The following CCDC154 variants were observed in gnomAD, a reference collection of about 807,000 sequenced individuals.
CCDC154 encodes coiled-coil domain-containing protein 154.
CCDC154 carries 91 observed loss-of-function variants against 87.5 expected under a neutral mutation model. That is an observed-to-expected ratio of 1.04 (90% CI 0.88 to 1.24). The LOEUF (loss-of-function observed/expected upper bound fraction) is 1.24. Among genes scored for constraint, CCDC154 ranks in the 50% most tolerant of loss-of-function variants. The pLI is 0.00. For missense variants in CCDC154, 903 were observed against 879.2 expected (o/e 1.03, Z -0.34); for synonymous variants, 418 against 400.4 (o/e 1.04, Z -0.52).
chr16:1,439,221 T>G (rs2038529819), intron 6 of CCDC154, 95 bp from the exon 7 acceptor site: 7 of 1,131,670 alleles, frequency 6.2e-6, no homozygotes, highest in African/African-American at 1.5e-5. Context: ...TGGAGTCCCC[T>G]GCTGTCCCCA....
Position 1,443,612 on chromosome 16 carries a change from TC to T in CCDC154, c.307del (p.Glu103SerfsTer16), listed in dbSNP as rs1596206381. ...CACGCGGGCCCGCACCTGGAGCAGCTCCCGCAGCAGGCTCCGCGTGGCGCGC... is the reference window on the plus strand; with the variant it reads ...CACGCGGGCCCGCACCTGGAGCAGCTCCGCAGCAGGCTCCGCGTGGCGCGC... Reference protein sequence around the residue: ...CERATRSLLRELLQVRARVQL... With the variant: ...CERATRSLLRXLLQVRARVQL... On this transcript the variant is annotated frameshift_variant, in exon 3 of 17. Coordinates refer to ENST00000389176, the MANE Select transcript of CCDC154 (RefSeq NM_001143980.3). LOFTEE classifies it high-confidence loss of function. 1 of 1,426,290 alleles carries T rather than the reference TC, an allele frequency of 7.0e-7. No homozygotes were observed. Among genetic ancestry groups the T allele is most frequent in the Non-Finnish European group, 9.2e-7 (1 of 1,082,230 alleles). 88.4% of individuals were successfully genotyped at this position (1,426,290 alleles called of 1,614,324 possible). A position where few individuals can be genotyped will look rare whatever the true frequency, so the allele number is the denominator to read the frequency against.
intron 6 of CCDC154, among the ~76,000 whole-genome samples, chr16:1,440,733 G>A (rs925095450): frequency 6.6e-6 from 1 of 151,938 alleles, no homozygotes; most frequent in East Asian, 1.9e-4. Context: ...GGCAGATCAC[G>A]AGGTCAGGAG....
rs1020294579 is a variant in CCDC154 at position 1,438,703 on chromosome 16, T to A, written c.941A>T (p.Asp314Val). Residue 314 changes from aspartate (D) to valine (V), a missense_variant, in exon 9 of 17, where the codon GAT becomes GTT. By Grantham distance (152) the Asp-to-Val change is radical (BLOSUM62 -3). Transcript: ENST00000389176. ...CTTGGTCAGCTGGGCCACGGCAGCA[T>A]CCAGGCCCTGGCACTGCTCCAGGAG... ...SHLLEQCQGL[D>V]AAVAQLTKFV... is the part of the protein sequence containing the mutation. 196 of 1,549,868 alleles carry A rather than the reference T, an allele frequency of 1.3e-4. No homozygotes were observed. Among genetic ancestry groups the A allele is most frequent in the Non-Finnish European group, 1.6e-4 (188 of 1,146,754 alleles).
At position 1,436,489 on chromosome 16, in the gene CCDC154, A is replaced by C; in HGVS notation, c.1443T>G (p.His481Gln). Reference sequence around the variant, plus strand: ...AAATCCTGAGGTCTGAGTCGCTCTTATGAAGCAGGCACTTGTCGGAGACAC... The same window carrying C: ...AAATCCTGAGGTCTGAGTCGCTCTTCTGAAGCAGGCACTTGTCGGAGACAC... ...IESVSDKCLL[H>Q]KSDSDLRISA... The change falls in exon 13 of 17, where the codon CAT (histidine) becomes CAG (glutamine). Residue 481 changes from histidine to glutamine, a missense_variant. His to Gln is a conservative substitution (Grantham distance 24). Coordinates refer to ENST00000389176, the MANE Select transcript of CCDC154 (RefSeq NM_001143980.3). 4 of 1,549,126 alleles carry C rather than the reference A, an allele frequency of 2.6e-6. No homozygotes were observed. Among genetic ancestry groups the C allele is most frequent in the Non-Finnish European group, 3.5e-6 (4 of 1,146,932 alleles).
rs1395505606 is a variant in CCDC154 at position 1,438,711 on chromosome 16, C to T, written c.933G>A (p.Gln311=). The stretch of plus-strand genomic sequence containing the variant: ...GCTGGGCCACGGCAGCATCCAGGCC[C>T]TGGCACTGCTCCAGGAGGTGGCTCT... ...HEESHLLEQC[Q]GLDAAVAQLT... The change falls in exon 9 of 17, where the codon CAG becomes CAA. Residue 311 remains glutamine (Q), a synonymous_variant. Transcript: ENST00000389176. 23 of 1,550,014 alleles carry T rather than the reference C, an allele frequency of 1.5e-5. No homozygotes were observed. The highest frequency in any genetic ancestry group is 2.0e-5 in the Non-Finnish European group (23 of 1,146,762).
At chr16:1,436,655 G>A (rs2038504799) in intron 12 of CCDC154, 37 bp downstream of exon 12, 2 of 1,548,666 alleles carry the variant, frequency 1.3e-6, no homozygotes, top group African/African-American at 1.4e-5. Flanking sequence ...CACCTCCAAG[G>A]CCCAAGTACA....
At chr16:1,435,936 C>G in intron 14 of CCDC154, 33 bp downstream of exon 14, 3 of 1,526,146 alleles carry the variant, frequency 2.0e-6, no homozygotes, top group Non-Finnish European at 2.7e-6. Flanking sequence ...CTCCCCCTCT[C>G]TCCCAGCTGG....
rs765755549 is a variant in CCDC154, at chr16:1,439,036, CCAGGAAGCTCTTCTG to C, written c.751_765del (p.Gln251_Leu255del). 1 of 1,550,230 alleles carries C rather than the reference CCAGGAAGCTCTTCTG, an allele frequency of 6.5e-7. No homozygotes were observed. The highest frequency in any genetic ancestry group is 1.2e-5 in the South Asian group (1 of 84,062). ...GGGCAGGCTCCCACCTTCTCCAGGG[CCAGGAAGCTCTTCTG>C]CAGGAAGCCGCACAGCTTGGCCTCC... On this transcript the variant is annotated inframe_deletion, in exon 7 of 17. Coordinates refer to ENST00000389176, the MANE Select transcript of CCDC154 (RefSeq NM_001143980.3).
chr16:1,436,302 GC>G, intron 13 of CCDC154, 142 bp downstream of exon 13: 1 of 867,324 alleles, frequency 1.2e-6, no homozygotes, highest in Non-Finnish European at 1.8e-6. Context: ...GGCAGGGTGA[GC>G]CCGGTGCTGG....
chr16:1,435,401 G>C (rs901169727), intron 14 of CCDC154: 5 of 576,014 alleles, frequency 8.7e-6, no homozygotes, highest in Non-Finnish European at 1.5e-5. Context: ...GGGTTGTTCC[G>C]GCCCTCGTGG....
chr16:1,443,305 C>A lies in CCDC154; in HGVS notation c.415-4G>T, dbSNP rs370389573. On this transcript the variant is annotated splice_region_variant and splice_polypyrimidine_tract_variant and intron_variant, in intron 3 of 16. Transcript: ENST00000389176. Reference sequence around the variant, plus strand: ...TCTGGTTCTGGAGACCAGAGAACTGCGAGGAGGAAGAGGAGGCTGTGGGCT... The same window carrying A: ...TCTGGTTCTGGAGACCAGAGAACTGAGAGGAGGAAGAGGAGGCTGTGGGCT... 1.5e-5 allele frequency: 23 copies of A among 1,548,344 alleles called. No individual in the cohort carries two copies. Among genetic ancestry groups the A allele is most frequent in the Non-Finnish European group, 2.0e-5 (23 of 1,146,296 alleles).
chr16:1,435,200 C>T (rs2038490061), intron 14 of CCDC154, 25 bp from the exon 15 acceptor site: 8 of 1,541,986 alleles, frequency 5.2e-6, no homozygotes, highest in Non-Finnish European at 7.0e-6. Flanking sequence ...CATTTGGGCA[C>T]AGACAGGGCC....
chr16:1,444,414 G>C lies in CCDC154; in HGVS notation c.-92C>G, dbSNP rs2038591884. 1 of 1,214,664 alleles carries C rather than the reference G, an allele frequency of 8.2e-7. No homozygotes were observed. The highest frequency in any genetic ancestry group is 1.1e-6 in the Non-Finnish European group (1 of 937,752). 75.2% of individuals were successfully genotyped at this position (1,214,664 alleles called of 1,614,324 possible). On this transcript the variant is annotated 5_prime_UTR_variant, in exon 1 of 17. Transcript: ENST00000389176. The stretch of plus-strand genomic sequence containing the variant: ...CCCAGAGCTGGGCACAGGCCAGGGG[G>C]GTCAGGAGCCAGAGGAAGTCCCGTG...
chr16:1,434,633 G>A, intron 16 of CCDC154, 35 bp downstream of exon 16: 2 of 1,539,926 alleles, frequency 1.3e-6, no homozygotes, highest in East Asian at 2.4e-5. Context: ...CGGCCCAAAG[G>A]CCCAGGAGGC....
In CCDC154 at chr16:1,437,800, C is replaced by A. The variant is rs1331790448; in HGVS notation, c.1290+17G>T. The A allele has an allele frequency of 2.0e-6, 3 of 1,519,996 alleles. No homozygotes were observed. The highest frequency in any genetic ancestry group is 1.8e-6 in the Non-Finnish European group (2 of 1,135,074). The allele number at this position is 1,519,996 out of a possible 1,614,324, so 94.2% of individuals were successfully genotyped here. A position where few individuals can be genotyped will look rare whatever the true frequency, so the allele number is the denominator to read the frequency against. On this transcript the variant is annotated intron_variant, in intron 11 of 16. Coordinates refer to ENST00000389176, the MANE Select transcript of CCDC154 (RefSeq NM_001143980.3). Reference sequence around the variant, plus strand: ...CTCCCCATAGCCCCGCCTGCCCCCGCCCGCTGCCTGGCGCACCTCGGACAG... The same window carrying A: ...CTCCCCATAGCCCCGCCTGCCCCCGACCGCTGCCTGGCGCACCTCGGACAG...
chr16:1,441,735 A>C (rs1203820580), intron 6 of CCDC154, among the ~76,000 whole-genome samples: 3 of 152,104 alleles, frequency 2.0e-5, no homozygotes, highest in Non-Finnish European at 2.9e-5. Context: ...TCCTGGGACG[A>C]AGAGCGCCCA....
At chr16:1,437,627 C>T (rs578074327) in intron 11 of CCDC154, 190 bp downstream of exon 11, 63 of 652,100 alleles carry the variant, frequency 9.7e-5, no homozygotes, top group African/African-American at 6.1e-4. Context: ...GGCTGCTCAG[C>T]GGCTGTCCTG....
intron 1 of CCDC154, 91 bp from the exon 2 acceptor site, chr16:1,444,103 C>T (rs1263575806): frequency 5.5e-6 from 6 of 1,097,160 alleles, no homozygotes; most frequent in African/African-American, 3.2e-5. Flanking sequence ...GCAGGACCCT[C>T]GCCCACCACC....
intron 13 of CCDC154, 40 bp from the exon 14 acceptor site, chr16:1,436,126 T>C (rs1185377476): frequency 4.6e-6 from 7 of 1,514,760 alleles, no homozygotes; most frequent in Non-Finnish European, 6.3e-6. Context: ...TCGGGTGTGC[T>C]CGGGGGTAGG....
Sources: allele counts gnomAD v4.1 joint callset (sites outside exome capture counted in the v4.1 genomes callset), GRCh38; gene constraint gnomAD v4.1.1; transcripts MANE v1.5; gene names NCBI Gene and HGNC (gene_info 2026-07-23, HGNC 2026-07-21).